The following MECOM variants were observed in gnomAD, a reference collection of about 807,000 sequenced individuals.
The protein encoded by MECOM is histone-lysine N-methyltransferase MECOM.
Under a neutral mutation model 116.3 loss-of-function variants are expected in MECOM, and 13 were observed. The ratio of observed to expected loss-of-function variants is 0.11; its 90% confidence interval spans 0.07 to 0.18. The LOEUF is 0.18. Among genes scored for constraint, MECOM ranks in the 10% least tolerant of loss-of-function variants. The probability of loss-of-function intolerance (pLI) is 1.00; values close to 1 mark genes in which losing one functional copy is unlikely to be tolerated. For missense variants in MECOM, 1,299 were observed against 1,509.0 expected (o/e 0.86, Z 2.31); for synonymous variants, 528 against 535.2 (o/e 0.99, Z 0.19).
intron 2 of MECOM, among the ~76,000 whole-genome samples, chr3:169,317,558 T>C (rs533786595): frequency 1.7e-3 from 264 of 152,278 alleles, no homozygotes; most frequent in Admixed American, 3.3e-3. Flanking sequence ...AGAGTATAAT[T>C]ACTTCAAGAA....
intron 2 of MECOM, among the ~76,000 whole-genome samples, chr3:169,261,739 AG>A (rs1358397812): frequency 9.0e-6 from 1 of 111,386 alleles, no homozygotes; most frequent in Non-Finnish European, 1.7e-5. Flanking sequence ...GAGAAGGAGA[AG>A]GAGAAAAGAA....
At chr3:169,334,550 G>A (rs1254265822) in intron 2 of MECOM, among the ~76,000 whole-genome samples, 4 of 152,020 alleles carry the variant, frequency 2.6e-5, no homozygotes, top group Admixed American at 1.3e-4. Flanking sequence ...CACAGAAGAC[G>A]GAGAACGCTG....
chr3:169,452,622 A>G (rs1350525848), intron 1 of MECOM, among the ~76,000 whole-genome samples: 3 of 152,200 alleles, frequency 2.0e-5, no homozygotes, highest in Admixed American at 6.5e-5. Flanking sequence ...AGTAGCTCAC[A>G]GTTTCAAACA....
chr3:169,441,744 T>TTTTTTTTTTTTTTTTTTTTTTTG lies in MECOM; in HGVS notation c.38-60221_38-60220insCAAAAAAAAAAAAAAAAAAAAAA, dbSNP rs1237906532. On this transcript the variant is annotated intron_variant, in intron 1 of 16. Coordinates refer to ENST00000651503, the MANE Select transcript of MECOM (RefSeq NM_004991.4). ...TCTTCTCTTCTTTTTTTTTTTTTTT[T>TTTTTTTTTTTTTTTTTTTTTTTG]AAAAAAGGGGGGGTCTTGCTCTGTC... 1.3e-4 allele frequency among the ~76,000 whole-genome samples: 19 copies of TTTTTTTTTTTTTTTTTTTTTTTG among 142,098 alleles called. 4 individuals are homozygous for TTTTTTTTTTTTTTTTTTTTTTTG. The highest frequency in any genetic ancestry group is 2.4e-4 in the Non-Finnish European group (15 of 63,434). 93.2% of individuals were successfully genotyped at this position (142,098 alleles called of 152,430 possible). A position where few individuals can be genotyped will look rare whatever the true frequency, so the allele number is the denominator to read the frequency against.
intron 2 of MECOM, among the ~76,000 whole-genome samples, chr3:169,236,038 C>T (rs1754024632): frequency 6.6e-6 from 1 of 152,056 alleles, no homozygotes; most frequent in East Asian, 1.9e-4. Context: ...CAGCACCAGC[C>T]AGCCACAGCC....
intron 1 of MECOM, among the ~76,000 whole-genome samples, chr3:169,582,559 T>C (rs748499077): frequency 6.6e-6 from 1 of 152,204 alleles, no homozygotes; most frequent in Non-Finnish European, 1.5e-5. Context: ...TTATTTATCC[T>C]CACACAGGTT....
intron 1 of MECOM, among the ~76,000 whole-genome samples, chr3:169,401,859 G>C (rs112176554): frequency 6.6e-6 from 1 of 152,278 alleles, no homozygotes; most frequent in African/African-American, 2.4e-5. Context: ...CAGAGAAAGA[G>C]GCAGTGAGGA....
At chr3:169,406,360 A>G (rs1736691284) in intron 1 of MECOM, among the ~76,000 whole-genome samples, 3 of 152,224 alleles carry the variant, frequency 2.0e-5, no homozygotes, top group Admixed American at 2.0e-4. Context: ...CTGAATGCAG[A>G]GAGCCCCCAG....
intron 1 of MECOM, among the ~76,000 whole-genome samples, chr3:169,470,953 TTTTG>T (rs944835049): frequency 3.9e-5 from 6 of 152,254 alleles, no homozygotes; most frequent in East Asian, 1.9e-4. Flanking sequence ...TTGTTTGTTG[TTTTG>T]TTTGTTTGTT....
At chr3:169,171,814 G>A (rs1314631488) in intron 2 of MECOM, among the ~76,000 whole-genome samples, 2 of 151,946 alleles carry the variant, frequency 1.3e-5, no homozygotes, top group Non-Finnish European at 2.9e-5. Flanking sequence ...CAGATGAAGG[G>A]GCAGGGCAGG....
At chr3:169,328,696 T>C (rs754316884) in intron 2 of MECOM, among the ~76,000 whole-genome samples, 9 of 152,282 alleles carry the variant, frequency 5.9e-5, no homozygotes, top group Non-Finnish European at 1.3e-4. Flanking sequence ...TAGTGTCTAG[T>C]AGCTTTTTTT....
intron 1 of MECOM, among the ~76,000 whole-genome samples, chr3:169,605,795 CT>C (rs902957640): frequency 6.6e-6 from 1 of 152,108 alleles, no homozygotes; most frequent in South Asian, 2.1e-4. Flanking sequence ...GTTTACCCAA[CT>C]TTTTTAAACA....
At chr3:169,606,408 CAAA>C (rs774934955) in intron 1 of MECOM, among the ~76,000 whole-genome samples, 6 of 110,444 alleles carry the variant, frequency 5.4e-5, no homozygotes, top group Non-Finnish European at 5.8e-5. Flanking sequence ...GTCTTCGTCT[CAAA>C]AAAAAAAAAA....
intron 2 of MECOM, among the ~76,000 whole-genome samples, chr3:169,349,684 A>G (rs1485908516): frequency 6.6e-6 from 1 of 151,944 alleles, no homozygotes. Context: ...GATAAATTGT[A>G]ATCGGCAGCA....
At chr3:169,570,892 G>A (rs747358771) in intron 1 of MECOM, among the ~76,000 whole-genome samples, 5 of 152,144 alleles carry the variant, frequency 3.3e-5, no homozygotes, top group Non-Finnish European at 7.4e-5. Flanking sequence ...ATACTGAGTG[G>A]GCAAAAGCTG....
At chr3:169,540,912 C>G (rs62295976) in intron 1 of MECOM, among the ~76,000 whole-genome samples, 53 of 152,340 alleles carry the variant, frequency 3.5e-4, no homozygotes, top group Admixed American at 2.6e-3. Context: ...CTCCTTGGCA[C>G]ATCAAACCAC....
chr3:169,363,558 G>T (rs1031206463), intron 2 of MECOM, among the ~76,000 whole-genome samples: 2 of 151,718 alleles, frequency 1.3e-5, no homozygotes, highest in African/African-American at 4.8e-5. Flanking sequence ...ATGAGTCCTG[G>T]GCTTCCTGAA....
intron 2 of MECOM, among the ~76,000 whole-genome samples, chr3:169,348,581 A>G (rs1189845489): frequency 1.3e-5 from 2 of 151,986 alleles, no homozygotes; most frequent in Non-Finnish European, 2.9e-5. Context: ...TCCTTTAAAG[A>G]TGAGTGGTAT....
chr3:169,609,717 C>G (rs949883739), intron 1 of MECOM, among the ~76,000 whole-genome samples: 5 of 152,142 alleles, frequency 3.3e-5, no homozygotes, highest in African/African-American at 1.2e-4. Context: ...CCATCCCCAA[C>G]TTATAAACAA....
Sources: allele counts gnomAD v4.1 joint callset (sites outside exome capture counted in the v4.1 genomes callset), GRCh38; gene constraint gnomAD v4.1.1; transcripts MANE v1.5; gene names NCBI Gene and HGNC (gene_info 2026-07-23, HGNC 2026-07-21).